Variants in SEPTIN7 observed in about 807,000 individuals in gnomAD.
The protein encoded by SEPTIN7 is septin-7.
SEPTIN7 carries 10 observed loss-of-function variants against 63.3 expected under a neutral mutation model. The ratio of observed to expected loss-of-function variants is 0.16; its 90% CI spans 0.10 to 0.27. The LOEUF is 0.27. SEPTIN7 is among the 10% of genes least tolerant of loss of function. The pLI is 1.00. For missense variants in SEPTIN7, 310 were observed against 521.0 expected (o/e 0.59, Z 3.94); for synonymous variants, 131 against 165.3 (o/e 0.79, Z 1.59).
intron 1 of SEPTIN7, among the ~76,000 whole-genome samples, chr7:35,807,610 G>A (rs570876787): frequency 1.4e-4 from 22 of 152,014 alleles, no homozygotes; most frequent in Middle Eastern, 3.4e-3. Flanking sequence ...TGATCCGCCC[G>A]TCTTGGCCTC....
chr7:35,864,836 A>G (rs1375795435), intron 4 of SEPTIN7, among the ~76,000 whole-genome samples: 2 of 152,172 alleles, frequency 1.3e-5, no homozygotes, highest in Non-Finnish European at 2.9e-5. Flanking sequence ...TCAGGCAGTG[A>G]TGCTTTTAGC....
chr7:35,855,758 G>A (rs1402752197), intron 3 of SEPTIN7, among the ~76,000 whole-genome samples: 1 of 152,068 alleles, frequency 6.6e-6, no homozygotes, highest in Non-Finnish European at 1.5e-5. Flanking sequence ...TTTCTGTGTA[G>A]CCTTACATAG....
chr7:35,912,479 T>A, the SEPTIN7 span, among the ~76,000 whole-genome samples: 2 of 152,244 alleles, frequency 1.3e-5, no homozygotes, highest in African/African-American at 2.4e-5. Context: ...TGTTAATAAA[T>A]ATGTGGGTAA....
At chr7:35,858,934 C>A (rs1420754735) in intron 3 of SEPTIN7, among the ~76,000 whole-genome samples, 12 of 152,294 alleles carry the variant, frequency 7.9e-5, no homozygotes, top group African/African-American at 2.6e-4. Context: ...CCCTCCTCAG[C>A]CTCCCAAAAT....
intron 10 of SEPTIN7, among the ~76,000 whole-genome samples, chr7:35,888,353 AG>A (rs1454172100): frequency 6.6e-6 from 1 of 152,220 alleles, no homozygotes; most frequent in African/African-American, 2.4e-5. Flanking sequence ...TTTAGTGAAA[AG>A]AAAAATTATT....
At chr7:35,801,654 G>GCCCCGCTTCCTCCTGT (rs1187401248) in intron 1 of SEPTIN7, among the ~76,000 whole-genome samples, 1 of 152,168 alleles carries the variant, frequency 6.6e-6, no homozygotes, top group African/African-American at 2.4e-5. Context: ...GGCTTCCGCG[G>GCCCCGCTTCCTCCTGT]CCCCGCTTCC....
intron 4 of SEPTIN7, among the ~76,000 whole-genome samples, chr7:35,866,802 A>G (rs1785829721): frequency 6.6e-6 from 1 of 152,182 alleles, no homozygotes; most frequent in African/African-American, 2.4e-5. Flanking sequence ...GTGCATTTCC[A>G]GATGCGAGCT....
rs142490308 is a variant in SEPTIN7, at chr7:35,806,105, G to C, written c.61+4835G>C. ...CTACAGACATTGCCAAATGTCACGT[G>C]GGGGAGCAGAATCATCCTTGGTTGA... On this transcript the variant is annotated intron_variant, in intron 1 of 13. Transcript: ENST00000350320. Among the ~76,000 whole-genome samples the C allele has an allele frequency of 2.3e-3, 356 of 152,266 alleles. 1 individual carries two copies. The highest frequency in any genetic ancestry group is 4.0e-3 in the Non-Finnish European group (273 of 68,018).
intron 3 of SEPTIN7, chr7:35,847,555 A>G (rs1483690139): frequency 6.6e-6 from 1 of 152,238 alleles, no homozygotes; most frequent in African/African-American, 2.4e-5. Flanking sequence ...AATTTTTAAA[A>G]AAGTACTGTT....
At chr7:35,810,948 T>C (rs1326565915) in intron 1 of SEPTIN7, among the ~76,000 whole-genome samples, 1 of 151,912 alleles carries the variant, frequency 6.6e-6, no homozygotes, top group Non-Finnish European at 1.5e-5. Context: ...TTTGTATTTT[T>C]AGTAGAGACG....
At chr7:35,854,787 A>G (rs952126976) in intron 3 of SEPTIN7, among the ~76,000 whole-genome samples, 3 of 152,044 alleles carry the variant, frequency 2.0e-5, no homozygotes, top group African/African-American at 7.2e-5. Context: ...ATTAAAAGTT[A>G]AAATTAAATA....
At chr7:35,816,884 ATGCTT>A (rs1789100700) in intron 1 of SEPTIN7, among the ~76,000 whole-genome samples, 1 of 152,178 alleles carries the variant, frequency 6.6e-6, no homozygotes, top group African/African-American at 2.4e-5. Context: ...GTCTATTAAA[ATGCTT>A]TGCTGAGTTT....
Position 35,801,076 on chromosome 7 carries a change from G to C in SEPTIN7, c.-134G>C. 1 of 598,988 alleles carries C rather than the reference G, an allele frequency of 1.7e-6. No homozygotes were observed. The highest frequency in any genetic ancestry group is 2.7e-6 in the Non-Finnish European group (1 of 370,992). 37.1% of individuals were successfully genotyped at this position (598,988 alleles called of 1,614,324 possible). A position where few individuals can be genotyped will look rare whatever the true frequency, so the allele number is the denominator to read the frequency against. On this transcript the variant is annotated 5_prime_UTR_variant, in exon 1 of 14. Coordinates refer to ENST00000350320, the MANE Select transcript of SEPTIN7 (RefSeq NM_001788.6). ...AGCGGGAGTCGAGCGAGAGCCTGTGGAGGAGTCCGCCTGCTGTAGCGTGCG... is the reference window on the plus strand; with the variant it reads ...AGCGGGAGTCGAGCGAGAGCCTGTGCAGGAGTCCGCCTGCTGTAGCGTGCG...
At chr7:35,802,298 TTC>T in intron 1 of SEPTIN7, 1 of 347,192 alleles carries the variant, frequency 2.9e-6, no homozygotes. Flanking sequence ...ACCGAGATTT[TTC>T]TAGGACATTT....
intron 3 of SEPTIN7, among the ~76,000 whole-genome samples, chr7:35,854,072 C>A (rs1480625286): frequency 2.0e-5 from 3 of 152,156 alleles, no homozygotes; most frequent in African/African-American, 7.2e-5. Flanking sequence ...AGGAAATGCT[C>A]ATTGAACCAG....
At chr7:35,845,422 G>T (rs1017490301) in intron 3 of SEPTIN7, among the ~76,000 whole-genome samples, 21 of 152,108 alleles carry the variant, frequency 1.4e-4, no homozygotes, top group Non-Finnish European at 8.8e-5. Flanking sequence ...TCCTTACTTT[G>T]TACTTCTGTT....
At chr7:35,869,366 A>T (rs1786006811) in intron 4 of SEPTIN7, among the ~76,000 whole-genome samples, 1 of 152,164 alleles carries the variant, frequency 6.6e-6, no homozygotes. Context: ...ACACGATGAA[A>T]CATGTAAGAT....
intron 2 of SEPTIN7, 31 bp from the exon 3 acceptor site, chr7:35,832,767 T>A (rs1292426613): frequency 1.7e-6 from 2 of 1,182,416 alleles, no homozygotes; most frequent in Non-Finnish European, 2.5e-6. Flanking sequence ...TGTTGATACA[T>A]GAATAACTTG....
Position 35,906,450 on chromosome 7 carries a change from C to G in SEPTIN7, c.*2157C>G, listed in dbSNP as rs979243142. Reference sequence around the variant, plus strand: ...CAATACATGTAAAATTCAGGTAGGCCTAAGGAAAGGCCAGCCTGTAGAAAG... The same window carrying G: ...CAATACATGTAAAATTCAGGTAGGCGTAAGGAAAGGCCAGCCTGTAGAAAG... On this transcript the variant is annotated 3_prime_UTR_variant, in exon 14 of 14. Transcript: ENST00000350320. The G allele has an allele frequency of 4.6e-5, 7 of 152,180 alleles. No individual in the cohort carries two copies. Among genetic ancestry groups the G allele is most frequent in the Non-Finnish European group, 1.0e-4 (7 of 68,044 alleles). The allele number at this position is 152,180 out of a possible 1,614,324, so 9.4% of individuals were successfully genotyped here. A position where few individuals can be genotyped will look rare whatever the true frequency, so the allele number is the denominator to read the frequency against.
Sources: gnomAD v4.1 joint callset for allele counts (sites outside exome capture counted in the v4.1 genomes callset) on GRCh38, gnomAD v4.1.1 for gene constraint, MANE v1.5 for transcripts, NCBI Gene and HGNC (gene_info 2026-07-23, HGNC 2026-07-21) for gene names.